COL5A1: variants seen among roughly 807,000 people sequenced by gnomAD.
COL5A1 encodes collagen type V alpha 1 chain.
Under a neutral mutation model 263.7 loss-of-function variants are expected in COL5A1, and 16 were observed. That is an observed-to-expected ratio of 0.06 (90% confidence interval 0.04 to 0.09). The LOEUF is 0.09. COL5A1 is among the 10% of genes least tolerant of loss of function. COL5A1 has a pLI of 1.00. For missense variants in COL5A1, 2,036 were observed against 2,540.5 expected (o/e 0.80, Z 4.27); for synonymous variants, 1,012 against 1,004.5 (o/e 1.01, Z -0.14).
At chr9:134,752,713 G>T (rs745481758) in intron 14 of COL5A1, 68 bp downstream of exon 14, 3 of 1,294,440 alleles carry the variant, frequency 2.3e-6, no homozygotes, top group Admixed American at 1.7e-5. Flanking sequence ...TGTCGTTGGC[G>T]GACAGTGGCA....
chr9:134,683,950 A>G (rs1832936354), intron 1 of COL5A1, among the ~76,000 whole-genome samples: 1 of 152,188 alleles, frequency 6.6e-6, no homozygotes, highest in Non-Finnish European at 1.5e-5. Flanking sequence ...TGGTGGTGCT[A>G]TGGAGCGTCC....
chr9:134,809,115 A>C (rs1838413013), intron 42 of COL5A1, 68 bp from the exon 43 acceptor site: 3 of 1,273,098 alleles, frequency 2.4e-6, no homozygotes, highest in Non-Finnish European at 3.4e-6. Context: ...TCTCTTGGGT[A>C]ATGAGCTGGT....
At position 134,642,006 on chromosome 9, in the gene COL5A1, G is replaced by A. The variant is rs1301113317; in HGVS notation, c.-182G>A. On this transcript the variant is annotated 5_prime_UTR_variant, in exon 1 of 66. Transcript: ENST00000371817. This position sits in a 1 kb window ranked among gnomAD's most constrained non-coding sequence, Gnocchi z 4.5. Reference sequence around the variant, plus strand: ...AGCCCTCCCGCCCGTGGGCGAGCGCGCCAGCCGCCCCTTCCAGAACAGCCG... The same window carrying A: ...AGCCCTCCCGCCCGTGGGCGAGCGCACCAGCCGCCCCTTCCAGAACAGCCG... The A allele has an allele frequency of 7.8e-6, 4 of 511,598 alleles. No homozygotes were observed. Among genetic ancestry groups the A allele is most frequent in the South Asian group, 9.8e-5 (1 of 10,190 alleles). 31.7% of individuals were successfully genotyped at this position (511,598 alleles called of 1,614,324 possible). A position where few individuals can be genotyped will look rare whatever the true frequency, so the allele number is the denominator to read the frequency against.
chr9:134,790,832 G>A (rs2132789832), intron 32 of COL5A1, among the ~76,000 whole-genome samples: 1 of 151,984 alleles, frequency 6.6e-6, no homozygotes, highest in East Asian at 2.0e-4. Context: ...TACCCCGGTG[G>A]GCTGCTCCTG....
At chr9:134,714,705 A>T (rs1428872808) in intron 4 of COL5A1, among the ~76,000 whole-genome samples, 2 of 6,618 alleles carry the variant, frequency 3.0e-4, no homozygotes, top group Non-Finnish European at 7.1e-4. Context: ...GTGGTAGTGG[A>T]GGTGATGGTA....
rs1448176057 is a variant in COL5A1 at position 134,642,567 on chromosome 9, G to A, written c.109+271G>A. Among the ~76,000 whole-genome samples, 1 of 152,208 alleles carries A rather than the reference G, an allele frequency of 6.6e-6. No homozygotes were observed. The highest frequency in any genetic ancestry group is 2.4e-5 in the African/African-American group (1 of 41,476). Reference sequence around the variant, plus strand: ...GGAAGGACCGAGGGCTGGATCAGCAGGAGGGGTTGTCCACGAGGCGGGCAA... The same window carrying A: ...GGAAGGACCGAGGGCTGGATCAGCAAGAGGGGTTGTCCACGAGGCGGGCAA... On this transcript the variant is annotated intron_variant, in intron 1 of 65. Transcript: ENST00000371817. This position sits in a 1 kb window ranked among gnomAD's most constrained non-coding sequence, Gnocchi z 4.5.
chr9:134,699,658 G>A (rs975593292), intron 2 of COL5A1, among the ~76,000 whole-genome samples: 1 of 152,220 alleles, frequency 6.6e-6, no homozygotes, highest in Non-Finnish European at 1.5e-5. Flanking sequence ...CCAGCTGGAA[G>A]GACCAGTTGT....
intron 64 of COL5A1, among the ~76,000 whole-genome samples, chr9:134,833,489 C>G (rs1316042006): frequency 6.6e-6 from 1 of 152,180 alleles, no homozygotes; most frequent in Non-Finnish European, 1.5e-5. Context: ...ACCTTTGGCA[C>G]AGGCAGGGCA....
intron 32 of COL5A1, among the ~76,000 whole-genome samples, chr9:134,790,284 C>T (rs1382655826): frequency 6.6e-6 from 1 of 152,172 alleles, no homozygotes; most frequent in Non-Finnish European, 1.5e-5. Flanking sequence ...CCACCCCTCT[C>T]TGTCTCTGTC....
rs1344716122 is a variant in COL5A1, at chr9:134,783,211, G to C, written c.2484+491G>C. Among the ~76,000 whole-genome samples, 4 of 152,224 alleles carry C rather than the reference G, an allele frequency of 2.6e-5. No homozygotes were observed. In the South Asian group the frequency reaches 6.2e-4, roughly 24 times the overall value. On this transcript the variant is annotated intron_variant, in intron 29 of 65. Coordinates refer to ENST00000371817, the MANE Select transcript of COL5A1 (RefSeq NM_000093.5). ...TCCCTGTGAGCCTGGGGAGCGTCCT[G>C]GTCCCCAGACAGTTCTTCAGGGTCC...
At chr9:134,792,859 GTGTGTGCGCGCGTTTGTGCACAC>G (rs1837759352) in intron 32 of COL5A1, among the ~76,000 whole-genome samples, 1 of 32,208 alleles carries the variant, frequency 3.1e-5, no homozygotes, top group African/African-American at 9.6e-5. Context: ...GCGCACACGT[GTGTGTGCGCGCGTTTGTGCACAC>G]GTGTGTGTGC....
Position 134,815,610 on chromosome 9 carries a change from C to T in COL5A1, c.4049C>T (p.Pro1350Leu), listed in dbSNP as rs1255890421. ...PVGFPGDPGP[P>L]GEPGPAGQDG... ...GGTTTTCCTGGAGATCCTGGCCCCC[C>T]CGGAGAGCCTGGCCCCGCGGTAGGT... Residue 1350 changes from proline (P) to leucine (L), a missense_variant, in exon 51 of 66, where the codon CCC (proline) becomes CTC (leucine). This residue lies in a region of COL5A1 where 1,078 missense variants were observed against 1,521.4 expected (regional missense o/e 0.71). Transcript: ENST00000371817. The T allele has an allele frequency of 1.2e-6, 2 of 1,613,826 alleles. No individual in the cohort carries two copies. The highest frequency in any genetic ancestry group is 1.7e-6 in the Non-Finnish European group (2 of 1,179,956).
chr9:134,643,229 G>A (rs980406764), intron 1 of COL5A1, among the ~76,000 whole-genome samples: 1 of 151,934 alleles, frequency 6.6e-6, no homozygotes, highest in African/African-American at 2.4e-5. Context: ...GTGGCGGGGT[G>A]GGTTTTCACA....
In COL5A1 at chr9:134,662,921, C is replaced by T. The variant is rs115314441; in HGVS notation, c.109+20625C>T. On this transcript the variant is annotated intron_variant, in intron 1 of 65. Coordinates refer to ENST00000371817, the MANE Select transcript of COL5A1 (RefSeq NM_000093.5). ...CCTCATCTGCCTCGTTAGCAGAGAC[C>T]GATGAGTGTTTGCTGCACAGCTACT... Among the ~76,000 whole-genome samples the T allele has an allele frequency of 4.5e-3, 685 of 152,304 alleles. 5 individuals carry two copies. Among genetic ancestry groups the T allele is most frequent in the African/African-American group, 0.016 (654 of 41,560 alleles).
At chr9:134,727,498 C>A in intron 5 of COL5A1, 101 bp downstream of exon 5, 1 of 1,370,324 alleles carries the variant, frequency 7.3e-7, no homozygotes, top group Non-Finnish European at 1.0e-6. Context: ...TTAAATAAAT[C>A]CACTGGGTGA....
intron 4 of COL5A1, among the ~76,000 whole-genome samples, chr9:134,702,763 C>T (rs1461860990): frequency 1.3e-5 from 2 of 152,176 alleles, no homozygotes; most frequent in Non-Finnish European, 2.9e-5. Flanking sequence ...AGGGCAAGCC[C>T]ACCTGGGCTC....
intron 13 of COL5A1, among the ~76,000 whole-genome samples, chr9:134,751,887 T>C (rs11103500): frequency 0.019 from 2,879 of 152,174 alleles, 56 homozygotes; most frequent in African/African-American, 0.045. Flanking sequence ...TGCCACTGGG[T>C]TTATGGGCTT....
rs371359545 is a variant in COL5A1, at chr9:134,752,700, C to G, written c.1719+55C>G. ...CGTGGTGTGGGGATTGGCCCACTCC[C>G]TGTGTCGTTGGCGGACAGTGGCAGG... On this transcript the variant is annotated intron_variant, in intron 14 of 65. Coordinates refer to ENST00000371817, the MANE Select transcript of COL5A1 (RefSeq NM_000093.5). 1,292 of 1,406,728 alleles carry G rather than the reference C, an allele frequency of 9.2e-4. 1 individual carries two copies. The highest frequency in any genetic ancestry group is 1.1e-3 in the Non-Finnish European group (1,083 of 993,422). The allele number at this position is 1,406,728 out of a possible 1,614,324, so 87.1% of individuals were successfully genotyped here. A position where few individuals can be genotyped will look rare whatever the true frequency, so the allele number is the denominator to read the frequency against.
chr9:134,797,778 C>A (rs10776904), intron 36 of COL5A1, among the ~76,000 whole-genome samples: 99,900 of 152,086 alleles, frequency 0.66, 33,860 homozygotes, highest in African/African-American at 0.83. Flanking sequence ...GCCCGGAGCC[C>A]CCACGCCCGG....
Sources: allele counts gnomAD v4.1 joint callset (sites outside exome capture counted in the v4.1 genomes callset), GRCh38; gene constraint gnomAD v4.1.1; regional missense constraint gnomAD v4.1.1; non-coding constraint Gnocchi (gnomAD v3.1); transcripts MANE v1.5; gene names NCBI Gene and HGNC (gene_info 2026-07-23, HGNC 2026-07-21).